The following RANBP17 variants were observed in gnomAD, a reference collection of about 807,000 sequenced individuals.
RANBP17 encodes the protein ran-binding protein 17.
RANBP17 carries 158 observed loss-of-function variants against 141.2 expected under a neutral mutation model. The observed-to-expected ratio is 1.12, with a 90% confidence interval of 0.98 to 1.28. RANBP17 has a LOEUF of 1.28. Ranked by LOEUF, RANBP17 falls within the 50% of genes most tolerant of loss-of-function variation. RANBP17 has a pLI of 0.00. For synonymous variants in RANBP17, 430 were observed against 450.0 expected, an observed-to-expected ratio of 0.96 and a Z score of 0.56; for missense variants, 1,438 against 1,290.7, an observed-to-expected ratio of 1.11 and a Z score of -1.75.
intron 25 of RANBP17, among the ~76,000 whole-genome samples, chr5:171,288,013 G>A (rs1307207533): frequency 6.6e-6 from 1 of 152,090 alleles, no homozygotes. Flanking sequence ...TTACTCAAGG[G>A]AAATTGGCTT....
chr5:171,044,353 A>G (rs1195386539), intron 14 of RANBP17, among the ~76,000 whole-genome samples: 2 of 152,010 alleles, frequency 1.3e-5, no homozygotes, highest in Middle Eastern at 3.2e-3. Flanking sequence ...AAAGTCATAT[A>G]TATTTCAGCA....
At chr5:170,862,149 C>A in intron 1 of RANBP17, 98 bp downstream of exon 1, 1 of 1,260,306 alleles carries the variant, frequency 7.9e-7, no homozygotes, top group Non-Finnish European at 1.0e-6. Context: ...GCGGAGGCCG[C>A]AGGGCCGTGG....
At chr5:170,862,327 C>G (rs1041170177) in intron 1 of RANBP17, among the ~76,000 whole-genome samples, 1 of 152,176 alleles carries the variant, frequency 6.6e-6, no homozygotes, top group Admixed American at 6.5e-5. Context: ...GGGCTCGTCC[C>G]GGGGAAGGTG....
chr5:171,124,613 A>G (rs1326728514), intron 14 of RANBP17, among the ~76,000 whole-genome samples: 1 of 152,182 alleles, frequency 6.6e-6, no homozygotes, highest in Non-Finnish European at 1.5e-5. Flanking sequence ...AATTACAAAA[A>G]ACAACAAAAG....
intron 14 of RANBP17, among the ~76,000 whole-genome samples, chr5:171,100,711 T>A (rs1015510327): frequency 7.9e-5 from 12 of 152,246 alleles, no homozygotes; most frequent in Non-Finnish European, 1.5e-4. Flanking sequence ...ATTTTAGATC[T>A]TTCTAGGTTT....
At chr5:170,925,735 G>A (rs537495890) in intron 12 of RANBP17, among the ~76,000 whole-genome samples, 1 of 152,138 alleles carries the variant, frequency 6.6e-6, no homozygotes, top group East Asian at 1.9e-4. Flanking sequence ...ACATGTGTAT[G>A]CATTCCGAAA....
At chr5:171,002,013 A>G (rs1003048251) in intron 14 of RANBP17, among the ~76,000 whole-genome samples, 6 of 152,100 alleles carry the variant, frequency 3.9e-5, no homozygotes, top group Non-Finnish European at 8.8e-5. Flanking sequence ...TTTGACGTGT[A>G]GGGAAGGGAG....
At chr5:171,045,564 T>A (rs1174833510) in intron 14 of RANBP17, among the ~76,000 whole-genome samples, 1 of 152,134 alleles carries the variant, frequency 6.6e-6, no homozygotes, top group Non-Finnish European at 1.5e-5. Flanking sequence ...ACAGACTAAT[T>A]GTCTTTAAAT....
At chr5:170,921,287 C>T (rs1380807185) in intron 11 of RANBP17, among the ~76,000 whole-genome samples, 3 of 152,120 alleles carry the variant, frequency 2.0e-5, no homozygotes, top group Non-Finnish European at 4.4e-5. Flanking sequence ...AGGAAGGAAT[C>T]CAGTTTCAGC....
At chr5:171,058,297 G>A (rs1783549017) in intron 14 of RANBP17, among the ~76,000 whole-genome samples, 1 of 140,720 alleles carries the variant, frequency 7.1e-6, no homozygotes. Flanking sequence ...ATCTCCTAAT[G>A]CTATCCCTCC....
intron 14 of RANBP17, among the ~76,000 whole-genome samples, chr5:171,053,176 T>C (rs1414742024): frequency 6.6e-6 from 1 of 152,072 alleles, no homozygotes; most frequent in African/African-American, 2.4e-5. Context: ...CCTTAGAATT[T>C]TTTTTTTTTA....
chr5:170,955,615 GTGTA>G lies in RANBP17; in HGVS notation c.1574+1915_1574+1918del, dbSNP rs1198090759. Among the ~76,000 whole-genome samples the G allele has an allele frequency of 9.4e-5, 2 of 21,232 alleles. 1 individual carries two copies. Among genetic ancestry groups the G allele is most frequent in the Non-Finnish European group, 1.8e-4 (2 of 11,148 alleles). The allele number at this position is 21,232 out of a possible 152,430, so 13.9% of individuals were successfully genotyped here. A position where few individuals can be genotyped will look rare whatever the true frequency, so the allele number is the denominator to read the frequency against. Reference sequence around the variant, plus strand: ...ATATATATATATATATATATGCTCAGTGTATATATATATATATATATATATGCTC... The same window carrying G: ...ATATATATATATATATATATGCTCAGTATATATATATATATATATATGCTC... On this transcript the variant is annotated intron_variant, in intron 13 of 27. Transcript: ENST00000523189.
rs184661317 is a variant in RANBP17 at position 171,297,706 on chromosome 5, G to T, written c.3171-1056G>T. ...AAATTTGTGTACTGCGTCCTGAGCT[G>T]CTCTGTGAAATGATGGCAGGTGGCC... On this transcript the variant is annotated intron_variant, in intron 27 of 27. Coordinates refer to ENST00000523189, the MANE Select transcript of RANBP17 (RefSeq NM_022897.5). 3.6e-3 allele frequency among the ~76,000 whole-genome samples: 553 copies of T among 152,176 alleles called. 6 individuals carry two copies. Among genetic ancestry groups the T allele is most frequent in the African/African-American group, 0.013 (529 of 41,516 alleles).
chr5:171,026,126 T>C (rs1442558037), intron 14 of RANBP17, among the ~76,000 whole-genome samples: 2 of 152,234 alleles, frequency 1.3e-5, no homozygotes, highest in Non-Finnish European at 2.9e-5. Context: ...ATTTATTATT[T>C]CTCTTTGGGA....
intron 14 of RANBP17, among the ~76,000 whole-genome samples, chr5:171,103,316 G>A (rs1236426080): frequency 6.6e-6 from 1 of 152,210 alleles, no homozygotes; most frequent in Non-Finnish European, 1.5e-5. Flanking sequence ...GAGGAATCTG[G>A]AGAGGCAGTC....
chr5:171,086,887 A>G (rs1339519102), intron 14 of RANBP17, among the ~76,000 whole-genome samples: 1 of 141,732 alleles, frequency 7.1e-6, no homozygotes, highest in African/African-American at 2.6e-5. Flanking sequence ...GCGGTCTATC[A>G]ATTTTGTTGA....
intron 14 of RANBP17, among the ~76,000 whole-genome samples, chr5:170,994,206 T>G (rs1046429880): frequency 6.6e-6 from 1 of 152,058 alleles, no homozygotes; most frequent in African/African-American, 2.4e-5. Flanking sequence ...AGTTTGGAAC[T>G]CAAAGCTTTT....
intron 14 of RANBP17, among the ~76,000 whole-genome samples, chr5:171,033,621 A>T (rs1361379428): frequency 6.6e-6 from 1 of 151,942 alleles, no homozygotes; most frequent in African/African-American, 2.4e-5. Flanking sequence ...TATTATTTTT[A>T]TTTATTTATT....
chr5:171,124,443 G>A (rs896274113), intron 14 of RANBP17, among the ~76,000 whole-genome samples: 3 of 152,186 alleles, frequency 2.0e-5, no homozygotes, highest in South Asian at 2.1e-4. Context: ...CCTATTTAAC[G>A]AAATACTAGC....
Sources: allele counts gnomAD v4.1 joint callset (sites outside exome capture counted in the v4.1 genomes callset), GRCh38; gene constraint gnomAD v4.1.1; transcripts MANE v1.5; gene names NCBI Gene and HGNC (gene_info 2026-07-23, HGNC 2026-07-21).